MAX: variants seen among roughly 807,000 people sequenced by gnomAD.
MAX encodes MYC associated transcriptional regulator X.
Under a neutral mutation model 22.3 loss-of-function variants are expected in MAX, and 3 were observed. The ratio of observed to expected loss-of-function variants is 0.13; its 90% CI spans 0.06 to 0.35. The LOEUF (loss-of-function observed/expected upper bound fraction) is 0.35. MAX is among the 10% of genes least tolerant of loss of function. MAX has a pLI of 1.00. For missense variants in MAX, 119 were observed against 209.4 expected, an observed-to-expected ratio of 0.57 and a Z score of 2.66; for synonymous variants, 72 against 77.7, an observed-to-expected ratio of 0.93 and a Z score of 0.39.
rs909960054 is a variant in MAX, at chr14:65,075,777, G to T, written c.*699C>A. The T allele has an allele frequency of 9.4e-7, 1 of 1,066,388 alleles. No homozygotes were observed. Among genetic ancestry groups the T allele is most frequent in the Middle Eastern group, 4.2e-4 (1 of 2,402 alleles). 66.1% of individuals were successfully genotyped at this position (1,066,388 alleles called of 1,614,324 possible). On this transcript the variant is annotated 3_prime_UTR_variant, in exon 5 of 5. Coordinates refer to ENST00000358664, the MANE Select transcript of MAX (RefSeq NM_002382.5). The surrounding 1 kb of genome is among the most constrained non-coding windows in gnomAD (Gnocchi z 4.1). ...TGCTGCCATCTCCCATACATACCAC[G>T]AGAGTGTCACACGGCCCTCCGTGAG...
In MAX at chr14:65,076,316, G is replaced by A. The variant is rs2063053411; in HGVS notation, c.*160C>T. The A allele has an allele frequency of 1.3e-6, 2 of 1,489,588 alleles. No individual in the cohort carries two copies. Among genetic ancestry groups the A allele is most frequent in the East Asian group, 2.5e-5 (1 of 40,394 alleles). The allele number at this position is 1,489,588 out of a possible 1,614,324, so 92.3% of individuals were successfully genotyped here. On this transcript the variant is annotated 3_prime_UTR_variant, in exon 5 of 5. Transcript: ENST00000358664. This position sits in a 1 kb window ranked among gnomAD's most constrained non-coding sequence, Gnocchi z 6.6. Reference sequence around the variant, plus strand: ...ATGGGGAAGGAGAACGAGAGCTGTTGTCCAAGAGCTTCTACGTAAAAATAA... The same window carrying A: ...ATGGGGAAGGAGAACGAGAGCTGTTATCCAAGAGCTTCTACGTAAAAATAA...
intron 3 of MAX, among the ~76,000 whole-genome samples, chr14:65,080,691 A>G (rs908839106): frequency 6.6e-6 from 1 of 152,314 alleles, no homozygotes; most frequent in South Asian, 2.1e-4. Flanking sequence ...ACATCCCTCT[A>G]TTTAAATTTG....
chr14:65,097,938 C>G (rs2063716256), intron 2 of MAX, among the ~76,000 whole-genome samples: 1 of 152,196 alleles, frequency 6.6e-6, no homozygotes, highest in African/African-American at 2.4e-5. Flanking sequence ...CCAACATTAT[C>G]TAATGTATGT....
In MAX at chr14:65,031,163, G is replaced by A. The variant is rs1485582629; in HGVS notation, c.172-24879C>T. ...CAATGATTTTTGTCTTCCCTGTGCC[G>A]GGTATTTGAAAAAACCATAGAGGGG... On this transcript the variant is annotated intron_variant, in intron 3 of 3. Transcript: ENST00000341653. The surrounding 1 kb of genome is among the most constrained non-coding windows in gnomAD (Gnocchi z 4.6). Among the ~76,000 whole-genome samples the A allele has an allele frequency of 2.0e-5, 3 of 151,946 alleles. No homozygotes were observed. Among genetic ancestry groups the A allele is most frequent in the African/African-American group, 7.3e-5 (3 of 41,350 alleles).
intron 3 of MAX, among the ~76,000 whole-genome samples, chr14:65,092,908 C>T (rs575653073): frequency 6.6e-6 from 1 of 152,340 alleles, no homozygotes; most frequent in East Asian, 1.9e-4. Context: ...AAACACAGGT[C>T]CTCTTCCCAG....
Position 65,014,387 on chromosome 14 carries a change from C to T in MAX, c.172-8103G>A, listed in dbSNP as rs984019316. ...ACGTGCTCCCTCAAAACTCTGTTTTCGTCCATTACAGCATTTCTCCAGGTA... is the reference window on the plus strand; with the variant it reads ...ACGTGCTCCCTCAAAACTCTGTTTTTGTCCATTACAGCATTTCTCCAGGTA... On this transcript the variant is annotated intron_variant, in intron 3 of 3. Transcript: ENST00000341653. The surrounding 1 kb of genome is among the most constrained non-coding windows in gnomAD (Gnocchi z 5.1). 6.6e-6 allele frequency among the ~76,000 whole-genome samples: 1 copy of T among 152,170 alleles called. No individual in the cohort carries two copies. The highest frequency in any genetic ancestry group is 1.5e-5 in the Non-Finnish European group (1 of 68,028).
intron 3 of MAX, among the ~76,000 whole-genome samples, chr14:65,019,502 C>A (rs1385924567): frequency 9.6e-6 from 1 of 104,386 alleles, no homozygotes; most frequent in Non-Finnish European, 1.9e-5. Context: ...AACAAACAAA[C>A]AAAACATTTT....
At chr14:65,097,996 T>A (rs552835237) in intron 2 of MAX, among the ~76,000 whole-genome samples, 43 of 152,342 alleles carry the variant, frequency 2.8e-4, no homozygotes, top group African/African-American at 5.8e-4. Flanking sequence ...AACTGGCAAA[T>A]GCTATAATCC....
chr14:65,099,184 A>C (rs1030950238), intron 2 of MAX, among the ~76,000 whole-genome samples: 1 of 152,204 alleles, frequency 6.6e-6, no homozygotes, highest in African/African-American at 2.4e-5. Context: ...ACACAGTCAC[A>C]ATAGTTGTTT....
rs958002278 is a variant in MAX at position 65,099,535 on chromosome 14, A to AAAAC, written c.63+2007_63+2010dup. Among the ~76,000 whole-genome samples the AAAAC allele has an allele frequency of 4.9e-4, 73 of 150,474 alleles. 2 individuals carry two copies. The East Asian group carries it at 8.7e-3, about 18-fold the overall frequency. ...AACTGCGAGCCAAAATTTCACCAAA[A>AAAAC]AAACAAACAAACAAACAAACAAACA... On this transcript the variant is annotated intron_variant, in intron 2 of 4. Coordinates refer to ENST00000358664, the MANE Select transcript of MAX (RefSeq NM_002382.5).
chr14:65,062,861 C>T lies in MAX; in HGVS notation c.171+30847G>A, dbSNP rs550200773. On this transcript the variant is annotated intron_variant, in intron 3 of 3. Transcript: ENST00000341653. This position sits in a 1 kb window ranked among gnomAD's most constrained non-coding sequence, Gnocchi z 4.3. ...AACAGAGAGTGGGAAGAGATGTTTT[C>T]CAAGCTCCCTGGGGTAATTCGGTAT... is the stretch of plus-strand genomic sequence containing the variant. Among the ~76,000 whole-genome samples the T allele has an allele frequency of 6.6e-6, 1 of 152,308 alleles. No homozygotes were observed. Among genetic ancestry groups the T allele is most frequent in the African/African-American group, 2.4e-5 (1 of 41,556 alleles).
In MAX at chr14:65,014,880, C is replaced by T. The variant is rs1246026878; in HGVS notation, c.172-8596G>A. 1.3e-5 allele frequency among the ~76,000 whole-genome samples: 2 copies of T among 152,090 alleles called. No individual in the cohort carries two copies. Among genetic ancestry groups the T allele is most frequent in the Non-Finnish European group, 2.9e-5 (2 of 68,018 alleles). On this transcript the variant is annotated intron_variant, in intron 3 of 3. Coordinates refer to the MAX transcript ENST00000341653. The surrounding 1 kb of genome is among the most constrained non-coding windows in gnomAD (Gnocchi z 5.1). Reference sequence around the variant, plus strand: ...CCAGTGTCTAATACAGTGCTTGGCACAAGTAGATACTATCAAATATTTGTT... The same window carrying T: ...CCAGTGTCTAATACAGTGCTTGGCATAAGTAGATACTATCAAATATTTGTT...
chr14:65,059,837 C>CTTTT (rs34459085), intron 3 of MAX, among the ~76,000 whole-genome samples: 5 of 134,242 alleles, frequency 3.7e-5, no homozygotes, highest in African/African-American at 1.1e-4. Flanking sequence ...GTCCTTTTTT[C>CTTTT]TTTTTTTTTT....
chr14:65,013,596 C>T (rs2061718961), intron 3 of MAX, among the ~76,000 whole-genome samples: 1 of 152,186 alleles, frequency 6.6e-6, no homozygotes, highest in Admixed American at 6.5e-5. Flanking sequence ...ATTTCCCAGG[C>T]TGGAGTGCAG....
chr14:65,073,783 G>A (rs928868736), downstream of MAX, among the ~76,000 whole-genome samples: 2 of 152,164 alleles, frequency 1.3e-5, no homozygotes, highest in Non-Finnish European at 2.9e-5. Flanking sequence ...GAGCTCCCCT[G>A]CCCTGTGTTC....
intron 3 of MAX, among the ~76,000 whole-genome samples, chr14:65,018,346 T>G (rs1209788977): frequency 1.3e-5 from 2 of 152,126 alleles, no homozygotes; most frequent in African/African-American, 4.8e-5. Flanking sequence ...TATATGAATG[T>G]GTATATTTGT....
Position 65,027,818 on chromosome 14 carries a change from ACT to A in MAX, c.172-21536_172-21535del. 1 of 1,613,224 alleles carries A rather than the reference ACT, an allele frequency of 6.2e-7. No homozygotes were observed. The highest frequency in any genetic ancestry group is 8.5e-7 in the Non-Finnish European group (1 of 1,179,652). On this transcript the variant is annotated intron_variant, in intron 3 of 3. Transcript: ENST00000341653. This position sits in a 1 kb window ranked among gnomAD's most constrained non-coding sequence, Gnocchi z 5.7. The stretch of plus-strand genomic sequence containing the variant: ...TTTGCACAGGCTGCCACATCAGTTG[ACT>A]CTAGAGCTCATCTGCCATTAGAGAT...
At chr14:65,015,679 C>T in intron 3 of MAX, 1 of 1,614,194 alleles carries the variant, frequency 6.2e-7, no homozygotes, top group South Asian at 1.1e-5. Context: ...CAGCTTGGAA[C>T]TGCTAGATGA....
Position 65,044,345 on chromosome 14 carries a change from G to A in MAX, c.172-38061C>T. On this transcript the variant is annotated intron_variant, in intron 3 of 3. Transcript: ENST00000341653. The surrounding 1 kb of genome is among the most constrained non-coding windows in gnomAD (Gnocchi z 5.5). Reference sequence around the variant, plus strand: ...ACAAGCCGGCAGATGCGATTTGAAGGAGGATTTCAGGGCCGCTGCAACAAG... The same window carrying A: ...ACAAGCCGGCAGATGCGATTTGAAGAAGGATTTCAGGGCCGCTGCAACAAG... The A allele has an allele frequency of 1.2e-6, 2 of 1,613,612 alleles. No individual in the cohort carries two copies. Among genetic ancestry groups the A allele is most frequent in the Non-Finnish European group, 1.7e-6 (2 of 1,179,844 alleles).
Sources: allele counts gnomAD v4.1 joint callset (sites outside exome capture counted in the v4.1 genomes callset), GRCh38; gene constraint gnomAD v4.1.1; non-coding constraint Gnocchi (gnomAD v3.1); transcripts MANE v1.5; gene names NCBI Gene and HGNC (gene_info 2026-07-23, HGNC 2026-07-21).